Variants in USP34 observed in about 807,000 individuals in gnomAD.
USP34 encodes ubiquitin specific peptidase 34.
USP34 carries 70 observed loss-of-function variants against 460.3 expected under a neutral mutation model. The ratio of observed to expected loss-of-function variants is 0.15; its 90% CI spans 0.13 to 0.19. The LOEUF is 0.19. USP34 is among the 10% of genes least tolerant of loss of function. USP34 has a pLI of 1.00. For missense variants in USP34, 3,985 were observed against 4,236.2 expected, an observed-to-expected ratio of 0.94 and a Z score of 1.65; for synonymous variants, 1,647 against 1,405.3, an observed-to-expected ratio of 1.17 and a Z score of -3.85.
chr2:61,267,772 C>T (rs985109793), intron 41 of USP34, among the ~76,000 whole-genome samples: 21 of 152,124 alleles, frequency 1.4e-4, no homozygotes, highest in African/African-American at 4.8e-4. Context: ...CACCACAACA[C>T]CCGGTCTTAA....
At chr2:61,212,393 AC>A (rs1298167247) in intron 68 of USP34, among the ~76,000 whole-genome samples, 3 of 152,178 alleles carry the variant, frequency 2.0e-5, no homozygotes, top group African/African-American at 7.2e-5. Context: ...TCTCCTATCC[AC>A]TTTTTCTTTA....
chr2:61,241,851 G>C (rs938464998), intron 51 of USP34, 32 bp from the exon 52 acceptor site: 4 of 1,187,850 alleles, frequency 3.4e-6, no homozygotes, highest in Non-Finnish European at 1.2e-6. Context: ...TTACTTCTTT[G>C]AAAAAATGGG....
At chr2:61,440,394 G>A (rs1434472765) in intron 1 of USP34, among the ~76,000 whole-genome samples, 3 of 152,130 alleles carry the variant, frequency 2.0e-5, no homozygotes, top group East Asian at 1.9e-4. Flanking sequence ...TGGCAGCTGT[G>A]CCCAGCTGCA....
chr2:61,321,723 G>T (rs988818932), intron 21 of USP34, among the ~76,000 whole-genome samples: 1 of 152,014 alleles, frequency 6.6e-6, no homozygotes, highest in African/African-American at 2.4e-5. Context: ...CACAACTTAC[G>T]AAGTATTCTC....
chr2:61,454,443 T>A (rs1330968521), intron 1 of USP34, among the ~76,000 whole-genome samples: 3 of 150,016 alleles, frequency 2.0e-5, no homozygotes. Flanking sequence ...TTTGTTGTTT[T>A]GTTTTTGTTT....
chr2:61,230,454 G>A (rs531129421), intron 58 of USP34, among the ~76,000 whole-genome samples: 27 of 152,222 alleles, frequency 1.8e-4, no homozygotes, highest in Admixed American at 7.9e-4. Context: ...AAGCCGGGAG[G>A]TGGCGGTTGC....
intron 2 of USP34, among the ~76,000 whole-genome samples, chr2:61,416,032 G>A (rs2103960983): frequency 6.6e-6 from 1 of 152,278 alleles, no homozygotes; most frequent in Non-Finnish European, 1.5e-5. Context: ...ATATTCCAGT[G>A]GGTCCAATAT....
intron 37 of USP34, among the ~76,000 whole-genome samples, chr2:61,281,713 G>A (rs1434046526): frequency 2.0e-5 from 3 of 152,102 alleles, no homozygotes; most frequent in East Asian, 3.8e-4. Context: ...TATAAATACA[G>A]TGTTTTAGAA....
At chr2:61,288,952 A>C in intron 33 of USP34, 75 bp from the exon 34 acceptor site, 1 of 1,453,106 alleles carries the variant, frequency 6.9e-7, no homozygotes, top group South Asian at 1.2e-5. Flanking sequence ...TTGAAATTAA[A>C]AGACCAGAAA....
intron 20 of USP34, among the ~76,000 whole-genome samples, chr2:61,328,300 C>CAAA (rs200821675): frequency 1.1e-5 from 1 of 94,092 alleles, no homozygotes; most frequent in Non-Finnish European, 2.3e-5. Flanking sequence ...AAAACTCCGT[C>CAAA]AAAAAAAAAA....
At chr2:61,314,814 T>C in intron 24 of USP34, 61 bp downstream of exon 24, 2 of 1,589,340 alleles carry the variant, frequency 1.3e-6, no homozygotes, top group Non-Finnish European at 8.5e-7. Context: ...AGAAAAATTT[T>C]AGTTTCACAA....
intron 53 of USP34, among the ~76,000 whole-genome samples, chr2:61,239,252 T>G (rs2103852626): frequency 6.8e-6 from 1 of 147,654 alleles, no homozygotes; most frequent in East Asian, 2.0e-4. Context: ...TCACCTTAAA[T>G]CAAAAGCTAG....
chr2:61,240,133 G>A (rs1222054036), intron 53 of USP34, among the ~76,000 whole-genome samples: 1 of 151,980 alleles, frequency 6.6e-6, no homozygotes, highest in Non-Finnish European at 1.5e-5. Context: ...TGCATTTCTG[G>A]AGAAGATTTG....
intron 1 of USP34, among the ~76,000 whole-genome samples, chr2:61,428,419 A>AC (rs1344250632): frequency 1.3e-5 from 2 of 152,228 alleles, no homozygotes; most frequent in African/African-American, 2.4e-5. Context: ...ACCTAATCAA[A>AC]GAAAAAAGTG....
intron 15 of USP34, 82 bp from the exon 16 acceptor site, chr2:61,344,111 C>T: frequency 7.7e-7 from 1 of 1,290,420 alleles, no homozygotes; most frequent in South Asian, 1.3e-5. Context: ...CTCTCTTAAA[C>T]TTACAAATAC....
chr2:61,364,409 G>A (rs893823289), intron 10 of USP34, among the ~76,000 whole-genome samples: 4 of 152,224 alleles, frequency 2.6e-5, no homozygotes, highest in Admixed American at 2.0e-4. Flanking sequence ...CTGAAAGGAC[G>A]AAGGAAATTA....
chr2:61,354,114 A>G (rs1299519361), intron 10 of USP34, among the ~76,000 whole-genome samples: 1 of 152,188 alleles, frequency 6.6e-6, no homozygotes, highest in East Asian at 1.9e-4. Context: ...AACTAAATAA[A>G]TAACCAATTT....
chr2:61,467,772 A>G (rs1456891526), intron 1 of USP34, among the ~76,000 whole-genome samples: 1 of 151,510 alleles, frequency 6.6e-6, no homozygotes, highest in East Asian at 1.9e-4. Context: ...AGATGCCTAC[A>G]CCACCACACC....
At chr2:61,409,243 T>G (rs1378719366) in intron 2 of USP34, among the ~76,000 whole-genome samples, 1 of 150,694 alleles carries the variant, frequency 6.6e-6, no homozygotes, top group Non-Finnish European at 1.5e-5. Context: ...CTTAGAAAAA[T>G]CAGGTTCAAA....
Sources: gnomAD v4.1 joint callset for allele counts (sites outside exome capture counted in the v4.1 genomes callset) on GRCh38, gnomAD v4.1.1 for gene constraint, MANE v1.5 for transcripts, NCBI Gene and HGNC (gene_info 2026-07-23, HGNC 2026-07-21) for gene names.